ITFG1: variants seen among roughly 807,000 people sequenced by gnomAD.
ITFG1 encodes the protein integrin alpha FG-GAP repeat containing 1, also known as T-cell immunomodulatory protein.
In ITFG1, 34 loss-of-function variants were observed where a neutral mutation model predicts 81.8. The observed-to-expected ratio is 0.42, with a 90% CI of 0.32 to 0.55. ITFG1 has a LOEUF of 0.55. Among genes scored for constraint, ITFG1 ranks in the 20% least tolerant of loss-of-function variants. ITFG1 has a pLI of 0.17. For missense variants in ITFG1, 672 were observed against 755.4 expected, an observed-to-expected ratio of 0.89 and a Z score of 1.29; for synonymous variants, 285 against 270.6, an observed-to-expected ratio of 1.05 and a Z score of -0.52.
intron 8 of ITFG1, among the ~76,000 whole-genome samples, chr16:47,343,941 A>G (rs1430100260): frequency 2.0e-5 from 3 of 152,192 alleles, no homozygotes; most frequent in Non-Finnish European, 4.4e-5. Flanking sequence ...ACAGAAACAG[A>G]TAATCAAAAT....
chr16:47,335,218 G>A (rs529128511), intron 8 of ITFG1, among the ~76,000 whole-genome samples: 3 of 152,150 alleles, frequency 2.0e-5, no homozygotes, highest in Non-Finnish European at 4.4e-5. Context: ...TCAGTCAGGC[G>A]TGGTGGTGGG....
chr16:47,311,483 C>T (rs779141774), intron 9 of ITFG1, 71 bp from the exon 10 acceptor site: 152 of 1,192,402 alleles, frequency 1.3e-4, no homozygotes, highest in Middle Eastern at 2.4e-4. Flanking sequence ...GCAAAACAAA[C>T]GATCCATTAA....
chr16:47,244,596 T>C (rs796221311), intron 12 of ITFG1, among the ~76,000 whole-genome samples: 23 of 526 alleles, frequency 0.044, no homozygotes, highest in African/African-American at 0.053. Flanking sequence ...ATCTTTTGTG[T>C]GTGTGTGTGT....
At chr16:47,209,312 A>C (rs1163144851) in intron 14 of ITFG1, among the ~76,000 whole-genome samples, 2 of 152,312 alleles carry the variant, frequency 1.3e-5, no homozygotes, top group South Asian at 4.1e-4. Flanking sequence ...ACTACTGATC[A>C]TTATATAACC....
intron 14 of ITFG1, among the ~76,000 whole-genome samples, chr16:47,174,306 G>A (rs1386671524): frequency 6.6e-6 from 1 of 151,932 alleles, no homozygotes; most frequent in East Asian, 1.9e-4. Context: ...TTAGATTCTA[G>A]CGCTAGAATA....
intron 12 of ITFG1, among the ~76,000 whole-genome samples, chr16:47,257,916 CAG>C (rs1966158805): frequency 6.6e-6 from 1 of 152,106 alleles, no homozygotes; most frequent in Non-Finnish European, 1.5e-5. Context: ...ACAAGATGAA[CAG>C]TAGAATGTCA....
intron 6 of ITFG1, among the ~76,000 whole-genome samples, chr16:47,391,875 A>T (rs1286368418): frequency 6.6e-6 from 1 of 152,190 alleles, no homozygotes; most frequent in Non-Finnish European, 1.5e-5. Flanking sequence ...ATATATGCAT[A>T]GACATATACA....
chr16:47,201,636 C>T (rs8043610), intron 14 of ITFG1, among the ~76,000 whole-genome samples: 7 of 152,138 alleles, frequency 4.6e-5, no homozygotes, highest in Non-Finnish European at 1.0e-4. Flanking sequence ...GCCAGTGTGA[C>T]GGGATGAATT....
At chr16:47,410,955 C>T (rs1000200702) in intron 6 of ITFG1, among the ~76,000 whole-genome samples, 4 of 152,120 alleles carry the variant, frequency 2.6e-5, no homozygotes, top group East Asian at 1.9e-4. Flanking sequence ...CCACCCCATC[C>T]GCCAGCCTCT....
chr16:47,368,382 T>C (rs1031218609), intron 7 of ITFG1, among the ~76,000 whole-genome samples: 3 of 150,552 alleles, frequency 2.0e-5, no homozygotes, highest in Non-Finnish European at 4.4e-5. Context: ...TGAAACCCCA[T>C]CTCTACTAAA....
intron 8 of ITFG1, among the ~76,000 whole-genome samples, chr16:47,330,619 C>G (rs2151573538): frequency 6.6e-6 from 1 of 151,986 alleles, no homozygotes; most frequent in South Asian, 2.1e-4. Context: ...GGAACTTAAG[C>G]AAATCAACAA....
At chr16:47,262,430 T>C (rs1325587949) in intron 10 of ITFG1, among the ~76,000 whole-genome samples, 1 of 152,234 alleles carries the variant, frequency 6.6e-6, no homozygotes, top group African/African-American at 2.4e-5. Flanking sequence ...TTTTTCTAGA[T>C]ATTTCACAGA....
At chr16:47,451,593 G>C in intron 4 of ITFG1, 123 bp from the exon 5 acceptor site, 2 of 599,452 alleles carry the variant, frequency 3.3e-6, no homozygotes, top group South Asian at 4.1e-5. Flanking sequence ...AGTATCTAGT[G>C]ATAAGTATTA....
intron 5 of ITFG1, among the ~76,000 whole-genome samples, chr16:47,433,792 T>TATATATATACAC (rs1491145615): frequency 3.5e-4 from 47 of 135,636 alleles, no homozygotes; most frequent in African/African-American, 1.3e-3. Flanking sequence ...TATATATATA[T>TATATATATACAC]ACACACACAC....
intron 6 of ITFG1, among the ~76,000 whole-genome samples, chr16:47,421,922 T>C (rs920728056): frequency 3.9e-5 from 6 of 152,122 alleles, no homozygotes; most frequent in African/African-American, 1.4e-4. Flanking sequence ...AGTGAGAACA[T>C]GTGGTGTTTG....
chr16:47,182,604 G>A (rs1364861168), intron 14 of ITFG1, among the ~76,000 whole-genome samples: 1 of 152,138 alleles, frequency 6.6e-6, no homozygotes, highest in Non-Finnish European at 1.5e-5. Context: ...ATGCTTAAAG[G>A]TACAAAAACG....
At chr16:47,441,975 A>G (rs1969257934) in intron 5 of ITFG1, among the ~76,000 whole-genome samples, 1 of 152,226 alleles carries the variant, frequency 6.6e-6, no homozygotes, top group Admixed American at 6.5e-5. Flanking sequence ...AAGCAACTTC[A>G]GCAAAGTCTC....
At chr16:47,433,201 T>C (rs942824486) in intron 5 of ITFG1, among the ~76,000 whole-genome samples, 5 of 152,234 alleles carry the variant, frequency 3.3e-5, no homozygotes, top group African/African-American at 4.8e-5. Flanking sequence ...TCTAGAAAAG[T>C]GATAAATCAG....
chr16:47,230,378 G>A (rs896567098), intron 13 of ITFG1, among the ~76,000 whole-genome samples: 12 of 152,202 alleles, frequency 7.9e-5, no homozygotes, highest in Admixed American at 6.5e-5. Context: ...GACGATAACA[G>A]TGGGTTAAGG....
Sources: gnomAD v4.1 joint callset for allele counts (sites outside exome capture counted in the v4.1 genomes callset) on GRCh38, gnomAD v4.1.1 for gene constraint, MANE v1.5 for transcripts, NCBI Gene and HGNC (gene_info 2026-07-23, HGNC 2026-07-21) for gene names.